UBIAD1: variants seen among roughly 807,000 people sequenced by gnomAD.
UBIAD1 encodes the protein ubiA prenyltransferase domain-containing protein 1.
Under a neutral mutation model 20.1 loss-of-function variants are expected in UBIAD1, and 12 were observed. The ratio of observed to expected loss-of-function variants is 0.60; its 90% CI spans 0.38 to 0.97. UBIAD1 has a LOEUF of 0.97. Ranked by LOEUF, UBIAD1 falls within the 50% of genes least tolerant of loss-of-function variation. The probability of loss-of-function intolerance (pLI) is 0.00; values close to 1 mark genes in which losing one functional copy is unlikely to be tolerated. For missense variants in UBIAD1, 333 were observed against 419.5 expected, an observed-to-expected ratio of 0.79 and a Z score of 1.80; for synonymous variants, 207 against 189.2, an observed-to-expected ratio of 1.09 and a Z score of -0.77.
At chr1:11,294,167 G>A (rs896169797) in intron 1 of UBIAD1, among the ~76,000 whole-genome samples, 1 of 152,148 alleles carries the variant, frequency 6.6e-6, no homozygotes, top group African/African-American at 2.4e-5. Flanking sequence ...ACAACCCCAC[G>A]AATTGGATAT....
intron 1 of UBIAD1, among the ~76,000 whole-genome samples, chr1:11,277,438 A>C (rs529868089): frequency 6.6e-6 from 1 of 151,256 alleles, no homozygotes; most frequent in South Asian, 2.1e-4. Flanking sequence ...CGCCTGGCTA[A>C]TTTTTGTATT....
In UBIAD1 at chr1:11,285,930, C is replaced by G. The variant is rs373426663; in HGVS notation, c.816C>G (p.Phe272Leu). ...NTLLFLPYLV[F>L]SILATHCTIS... is the part of the protein sequence containing the mutation. ...TGCTCTTCCTGCCCTACCTGGTCTT[C>G]AGCATCCTGGCCACACACTGCACCA... Residue 272 changes from phenylalanine to leucine, a missense_variant, in exon 2 of 2, where the codon TTC (phenylalanine) becomes TTG (leucine). By Grantham distance (22) the Phe-to-Leu change is conservative. Around this residue, in one of 3 missense-constraint regions of UBIAD1, gnomAD observed 226 missense variants for 263.5 expected, o/e 0.86. Coordinates refer to ENST00000376810, the MANE Select transcript of UBIAD1 (RefSeq NM_013319.3). The surrounding 1 kb of genome is among the most constrained non-coding windows in gnomAD (Gnocchi z 4.4). The G allele has an allele frequency of 7.4e-6, 12 of 1,614,110 alleles. No homozygotes were observed. In the African/African-American group the frequency reaches 1.6e-4, roughly 22 times the overall value.
At chr1:11,292,341 C>T (rs910921944), downstream of UBIAD1, among the ~76,000 whole-genome samples, 1 of 151,988 alleles carries the variant, frequency 6.6e-6, no homozygotes, top group Non-Finnish European at 1.5e-5. Flanking sequence ...GAGGAATCAG[C>T]GAGGGGGATG....
At position 11,285,847 on chromosome 1, in the gene UBIAD1, A is replaced by G; in HGVS notation, c.733A>G (p.Ile245Val). 6.2e-7 allele frequency: 1 copy of G among 1,614,158 alleles called. No homozygotes were observed. Among genetic ancestry groups the G allele is most frequent in the Non-Finnish European group, 8.5e-7 (1 of 1,180,020 alleles). The stretch of plus-strand genomic sequence containing the variant: ...CATGGAGTCCGACCGGGAGGCTGGT[A>G]TCGTCACGCTGGCCATCCTCATCGG... ...RDMESDREAG[I>V]VTLAILIGPT... Residue 245 changes from isoleucine (I) to valine (V), a missense_variant, in exon 2 of 2, where the codon ATC becomes GTC. Physicochemically the swap from Ile to Val is conservative, Grantham distance 29. Transcript: ENST00000376810. The surrounding 1 kb of genome is among the most constrained non-coding windows in gnomAD (Gnocchi z 4.4).
downstream of UBIAD1, among the ~76,000 whole-genome samples, chr1:11,292,518 G>A (rs372498249): frequency 6.6e-6 from 1 of 152,118 alleles, no homozygotes; most frequent in Non-Finnish European, 1.5e-5. Context: ...CTGTTATTAC[G>A]GGATAGTCTT....
intron 1 of UBIAD1, among the ~76,000 whole-genome samples, chr1:11,294,582 G>A (rs1406078958): frequency 1.3e-5 from 2 of 152,210 alleles, no homozygotes; most frequent in African/African-American, 4.8e-5. Context: ...GGTGGCCCAT[G>A]TGCCAGTGCC....
At chr1:11,278,194 G>A (rs1333394103) in intron 1 of UBIAD1, among the ~76,000 whole-genome samples, 2 of 152,170 alleles carry the variant, frequency 1.3e-5, no homozygotes, top group African/African-American at 2.4e-5. Context: ...CTGGCCTCAA[G>A]TGATCTGCTC....
downstream of UBIAD1, among the ~76,000 whole-genome samples, chr1:11,297,766 A>T (rs960742480): frequency 4.0e-5 from 6 of 151,772 alleles, no homozygotes; most frequent in Non-Finnish European, 8.8e-5. Flanking sequence ...CTGGATGGAG[A>T]GACAGGTGGT....
At chr1:11,280,467 G>A (rs143519599) in intron 1 of UBIAD1, among the ~76,000 whole-genome samples, 65 of 152,272 alleles carry the variant, frequency 4.3e-4, no homozygotes, top group South Asian at 1.0e-3. Context: ...TTAAACTCCA[G>A]ACTCATATCC....
chr1:11,286,038 G>A lies in UBIAD1; in HGVS notation c.924G>A (p.Leu308=), dbSNP rs1638257608. 12 of 1,614,130 alleles carry A rather than the reference G, an allele frequency of 7.4e-6. No individual in the cohort carries two copies. In the Middle Eastern group the frequency reaches 6.6e-4, roughly 89 times the overall value. Residue 308 remains leucine (L), a synonymous_variant, in exon 2 of 2, where the codon CTG becomes CTA. Coordinates refer to ENST00000376810, the MANE Select transcript of UBIAD1 (RefSeq NM_013319.3). ...TTCGAAGCCAGGCCTTCAACAAACT[G>A]CCCCAGAGGACTGCCAAGCTCAACC... The part of the protein sequence containing the change: ...RQFRSQAFNK[L]PQRTAKLNLL...
chr1:11,278,749 G>A lies in UBIAD1; in HGVS notation c.529+4689G>A, dbSNP rs1652144329. 6.4e-6 allele frequency: 4 copies of A among 625,964 alleles called. No homozygotes were observed. In the South Asian group the frequency reaches 8.0e-5, roughly 12 times the overall value. The allele number at this position is 625,964 out of a possible 1,614,324, so 38.8% of individuals were successfully genotyped here. On this transcript the variant is annotated intron_variant, in intron 1 of 1. Coordinates refer to ENST00000376810, the MANE Select transcript of UBIAD1 (RefSeq NM_013319.3). ...ATTTTGCTAACACTGGTGTGCTGCG[G>A]TCATCCACCATCCCACTGGAGTTAT...
At chr1:11,274,091 G>GTCT in intron 1 of UBIAD1, 31 bp downstream of exon 1, 2 of 1,613,494 alleles carry the variant, frequency 1.2e-6, no homozygotes, top group Non-Finnish European at 1.7e-6. Flanking sequence ...TGTGCTGCAG[G>GTCT]TCTTAGTCGC....
rs1638289565 is a variant in UBIAD1, at chr1:11,287,335, T to G, written c.*1204T>G. ...GTGGAAAGATAGTTGAGGGCTTTAGTGAGATCACACTCAGAGTGGGGCAAT... is the reference window on the plus strand; with the variant it reads ...GTGGAAAGATAGTTGAGGGCTTTAGGGAGATCACACTCAGAGTGGGGCAAT... On this transcript the variant is annotated 3_prime_UTR_variant, in exon 2 of 2. Coordinates refer to ENST00000376810, the MANE Select transcript of UBIAD1 (RefSeq NM_013319.3). The G allele has an allele frequency of 6.6e-6, 1 of 152,216 alleles. No individual in the cohort carries two copies. The highest frequency in any genetic ancestry group is 6.5e-5 in the Admixed American group (1 of 15,278). 9.4% of individuals were successfully genotyped at this position (152,216 alleles called of 1,614,324 possible).
At chr1:11,292,668 TACACACACAC>T (rs71568319), downstream of UBIAD1, among the ~76,000 whole-genome samples, 112 of 140,742 alleles carry the variant, frequency 8.0e-4, 1 homozygote, top group South Asian at 6.0e-3. Flanking sequence ...ATTTTATGTA[TACACACACAC>T]ACACACACAC....
chr1:11,286,373 C>G lies in UBIAD1; in HGVS notation c.*242C>G, dbSNP rs1290736908. 5 of 562,756 alleles carry G rather than the reference C, an allele frequency of 8.9e-6. No homozygotes were observed. In the East Asian group the frequency reaches 1.6e-4, roughly 18 times the overall value. The allele number at this position is 562,756 out of a possible 1,614,324, so 34.9% of individuals were successfully genotyped here. ...TCAGAAGGTGAATTAGGCGCATGGT[C>G]TTTGTTTTATTAATAATTTCCACTA... On this transcript the variant is annotated 3_prime_UTR_variant, in exon 2 of 2. Transcript: ENST00000376810.
chr1:11,299,259 G>A (rs762735570), downstream of UBIAD1, among the ~76,000 whole-genome samples: 10 of 152,216 alleles, frequency 6.6e-5, no homozygotes, highest in African/African-American at 1.2e-4. Flanking sequence ...CGCTGGATCC[G>A]GGCAGCAACT....
chr1:11,280,663 C>T (rs1652211490), intron 1 of UBIAD1, among the ~76,000 whole-genome samples: 2 of 152,330 alleles, frequency 1.3e-5, no homozygotes, highest in East Asian at 3.9e-4. Flanking sequence ...GTCCTTGACT[C>T]CCACGTCTCA....
intron 1 of UBIAD1, chr1:11,293,460 T>C (rs1638399650): frequency 1.3e-5 from 2 of 152,356 alleles, no homozygotes; most frequent in Non-Finnish European, 2.9e-5. Flanking sequence ...CATGTTTTCT[T>C]TTCCAGCCCA....
downstream of UBIAD1, among the ~76,000 whole-genome samples, chr1:11,289,509 AG>A (rs1226084691): frequency 6.6e-6 from 1 of 152,130 alleles, no homozygotes; most frequent in African/African-American, 2.4e-5. Context: ...CCATGGAGAT[AG>A]GGGGGTATGA....
Sources: gnomAD v4.1 joint callset for allele counts (sites outside exome capture counted in the v4.1 genomes callset) on GRCh38, gnomAD v4.1.1 for gene constraint, gnomAD v4.1.1 regional missense constraint, Gnocchi (gnomAD v3.1) non-coding constraint, MANE v1.5 for transcripts, NCBI Gene and HGNC (gene_info 2026-07-23, HGNC 2026-07-21) for gene names.